Variants in PRKG1 observed in about 807,000 individuals in gnomAD.
PRKG1 encodes the protein cGMP-dependent protein kinase 1.
In PRKG1, 35 loss-of-function variants were observed where a neutral mutation model predicts 88.1. The ratio of observed to expected loss-of-function variants is 0.40; its 90% confidence interval spans 0.30 to 0.53. PRKG1 has a LOEUF of 0.53. PRKG1 is among the 20% of genes least tolerant of loss of function. The pLI is 0.59. For synonymous variants in PRKG1, 303 were observed against 292.5 expected, an observed-to-expected ratio of 1.04 and a Z score of -0.37; for missense variants, 540 against 839.8, an observed-to-expected ratio of 0.64 and a Z score of 4.41.
chr10:52,128,663 A>G lies in PRKG1; in HGVS notation c.936-5177A>G, dbSNP rs186295392. The G allele has an allele frequency of 5.3e-6, 4 of 749,914 alleles. No individual in the cohort carries two copies. In the African/African-American group the frequency reaches 5.7e-5, roughly 11 times the overall value. The allele number at this position is 749,914 out of a possible 1,614,324, so 46.5% of individuals were successfully genotyped here. ...AGAAGTGGCTTAAAAAGAGGCCACT[A>G]CTAAACTGCATAGCTTTGATTGTAA... On this transcript the variant is annotated intron_variant, in intron 7 of 17. Transcript: ENST00000373980.
chr10:51,081,538 C>T (rs1478909652), intron 1 of PRKG1, among the ~76,000 whole-genome samples: 3 of 152,162 alleles, frequency 2.0e-5, no homozygotes, highest in African/African-American at 7.2e-5. Flanking sequence ...TGAAATGCTC[C>T]TTAATTTGAC....
rs145926661 is a variant in PRKG1 at position 51,399,696 on chromosome 10, A to G, written c.479-68027A>G. Among the ~76,000 whole-genome samples, 39 of 152,250 alleles carry G rather than the reference A, an allele frequency of 2.6e-4. No homozygotes were observed. In the East Asian group the frequency reaches 7.5e-3, roughly 29 times the overall value. Reference sequence around the variant, plus strand: ...TAGATTTGAACAACCTGAGGCACATACTCTGAATTTTTGAGATGGAGTTTG... The same window carrying G: ...TAGATTTGAACAACCTGAGGCACATGCTCTGAATTTTTGAGATGGAGTTTG... On this transcript the variant is annotated intron_variant, in intron 2 of 17. Transcript: ENST00000373980.
chr10:51,200,161 G>A (rs563704670), intron 2 of PRKG1, among the ~76,000 whole-genome samples: 15 of 152,298 alleles, frequency 9.8e-5, no homozygotes, highest in Admixed American at 9.2e-4. Flanking sequence ...AGAGTGGGAG[G>A]AAACACACTT....
intron 9 of PRKG1, among the ~76,000 whole-genome samples, chr10:52,220,949 G>GT (rs11404918): frequency 0.49 from 74,410 of 151,782 alleles, 20,732 homozygotes; most frequent in East Asian, 0.8. Flanking sequence ...TGATATTTCT[G>GT]TTTTTAGGTG....
chr10:51,741,483 A>C (rs2132491197), intron 3 of PRKG1, among the ~76,000 whole-genome samples: 1 of 152,210 alleles, frequency 6.6e-6, no homozygotes, highest in Admixed American at 6.5e-5. Flanking sequence ...TTAATTCAAA[A>C]ATTATTTTTC....
At chr10:51,820,702 T>C (rs974970597) in intron 4 of PRKG1, among the ~76,000 whole-genome samples, 4 of 152,162 alleles carry the variant, frequency 2.6e-5, no homozygotes, top group Admixed American at 2.0e-4. Context: ...GATTTTTGGC[T>C]TTGTAATGGA....
chr10:51,697,999 G>C (rs1315259841), intron 3 of PRKG1: 1 of 1,612,600 alleles, frequency 6.2e-7, no homozygotes, highest in East Asian at 2.2e-5. Context: ...CTCCCTGCAT[G>C]CCTGTTCCTT....
In PRKG1 at chr10:52,077,903, C is replaced by T. The variant is rs989326050; in HGVS notation, c.935+15272C>T. Among the ~76,000 whole-genome samples, 14 of 151,994 alleles carry T rather than the reference C, an allele frequency of 9.2e-5. No individual in the cohort carries two copies. The East Asian group carries it at 9.6e-4, about 10-fold the overall frequency. ...TGAACAAGTCAAGTAATGGATAACT[C>T]GAACCATGCAAGCAGGGATAGGCAA... On this transcript the variant is annotated intron_variant, in intron 7 of 17. Transcript: ENST00000373980.
chr10:52,279,787 A>G (rs116322260), intron 12 of PRKG1, among the ~76,000 whole-genome samples: 296 of 152,106 alleles, frequency 1.9e-3, no homozygotes, highest in African/African-American at 6.7e-3. Flanking sequence ...TTATATCTCA[A>G]CCACCTCAGG....
intron 2 of PRKG1, among the ~76,000 whole-genome samples, chr10:51,312,728 C>A (rs1287398498): frequency 6.7e-6 from 1 of 148,526 alleles, no homozygotes; most frequent in East Asian, 2.1e-4. Flanking sequence ...TAAACATATA[C>A]CTAAACTTAT....
chr10:51,662,360 T>A (rs914338468), intron 3 of PRKG1, among the ~76,000 whole-genome samples: 1 of 152,280 alleles, frequency 6.6e-6, no homozygotes, highest in South Asian at 2.1e-4. Context: ...TTTTAGAGTA[T>A]CTTTTTCTTG....
intron 2 of PRKG1, among the ~76,000 whole-genome samples, chr10:51,242,894 A>G (rs1032411632): frequency 1.3e-5 from 2 of 152,172 alleles, no homozygotes; most frequent in African/African-American, 4.8e-5. Flanking sequence ...TGAGTTTACT[A>G]AGACAGATTA....
At chr10:51,203,111 G>C (rs1044239408) in intron 2 of PRKG1, among the ~76,000 whole-genome samples, 1 of 151,220 alleles carries the variant, frequency 6.6e-6, no homozygotes, top group East Asian at 1.9e-4. Flanking sequence ...GAGAGAGAGA[G>C]AACAGTGTCT....
chr10:51,018,228 A>C (rs965726776), intron 1 of PRKG1, among the ~76,000 whole-genome samples: 1 of 152,168 alleles, frequency 6.6e-6, no homozygotes, highest in African/African-American at 2.4e-5. Context: ...TTGCTGAAGG[A>C]TAATTTTGCT....
intron 5 of PRKG1, among the ~76,000 whole-genome samples, chr10:52,045,671 C>T (rs1845846811): frequency 6.6e-6 from 1 of 152,080 alleles, no homozygotes; most frequent in South Asian, 2.1e-4. Context: ...GACAGGCTCT[C>T]TATCCAGAAG....
chr10:51,564,237 A>G (rs2132154764), intron 3 of PRKG1, among the ~76,000 whole-genome samples: 1 of 150,620 alleles, frequency 6.6e-6, no homozygotes, highest in East Asian at 1.9e-4. Flanking sequence ...ACAAAACAAA[A>G]AAACCCTTTT....
chr10:51,371,134 G>C (rs576328173), intron 2 of PRKG1, among the ~76,000 whole-genome samples: 1 of 152,160 alleles, frequency 6.6e-6, no homozygotes, highest in East Asian at 1.9e-4. Context: ...AGCCTGATAA[G>C]GGTCTATAAG....
At chr10:51,617,128 T>C (rs1239612984) in intron 3 of PRKG1, among the ~76,000 whole-genome samples, 1 of 152,082 alleles carries the variant, frequency 6.6e-6, no homozygotes, top group Non-Finnish European at 1.5e-5. Flanking sequence ...CTCAAGGGGC[T>C]CTCTCATGGC....
At chr10:51,404,863 T>C (rs1837861983) in intron 2 of PRKG1, among the ~76,000 whole-genome samples, 1 of 152,154 alleles carries the variant, frequency 6.6e-6, no homozygotes, top group Non-Finnish European at 1.5e-5. Flanking sequence ...AGCAGTGCTT[T>C]AGGAAATAAA....
Sources: gnomAD v4.1 joint callset for allele counts (sites outside exome capture counted in the v4.1 genomes callset) on GRCh38, gnomAD v4.1.1 for gene constraint, MANE v1.5 for transcripts, NCBI Gene and HGNC (gene_info 2026-07-23, HGNC 2026-07-21) for gene names.